The following NOTCH2NLR variants were observed in gnomAD, a reference collection of about 807,000 sequenced individuals.
NOTCH2NLR encodes notch 2 N-terminal like R (pseudogene).
In NOTCH2NLR, 33 loss-of-function variants were observed where a neutral mutation model predicts 35.6. The ratio of observed to expected loss-of-function variants is 0.93; its 90% confidence interval spans 0.70 to 1.24. The LOEUF (loss-of-function observed/expected upper bound fraction) is 1.24. Among genes scored for constraint, NOTCH2NLR ranks in the 50% most tolerant of loss-of-function variants. The pLI, the probability that NOTCH2NLR is intolerant of heterozygous loss-of-function variation, is 0.00. For synonymous variants in NOTCH2NLR, 103 were observed against 141.0 expected, an observed-to-expected ratio of 0.73 and a Z score of 1.91; for missense variants, 276 against 362.2, an observed-to-expected ratio of 0.76 and a Z score of 1.93.
In NOTCH2NLR at chr1:120,784,881, G is replaced by A. The variant is rs1270228111; in HGVS notation, c.156-93G>A. 7.1e-5 allele frequency: 74 copies of A among 1,035,174 alleles called. 16 individuals are homozygous for A. The highest frequency in any genetic ancestry group is 1.3e-4 in the East Asian group (5 of 38,820). 64.1% of individuals were successfully genotyped at this position (1,035,174 alleles called of 1,614,324 possible). A position where few individuals can be genotyped will look rare whatever the true frequency, so the allele number is the denominator to read the frequency against. ...TGTAGGTCTGTTGATTCACAATCTCGTGCTTTCTTGATTGGACTGTATTGT... is the reference window on the plus strand; with the variant it reads ...TGTAGGTCTGTTGATTCACAATCTCATGCTTTCTTGATTGGACTGTATTGT... On this transcript the variant is annotated intron_variant, in intron 2 of 4. Transcript: ENST00000624419.
At chr1:120,729,618 CT>C (rs1650854610) in intron 1 of NOTCH2NLR, among the ~76,000 whole-genome samples, 1 of 119,564 alleles carries the variant, frequency 8.4e-6, no homozygotes, top group Non-Finnish European at 1.6e-5. Flanking sequence ...GGGGTGATTG[CT>C]CAGGTAAAGC....
intron 1 of NOTCH2NLR, among the ~76,000 whole-genome samples, chr1:120,727,349 C>T (rs1650826887): frequency 1.8e-5 from 2 of 111,792 alleles, no homozygotes; most frequent in South Asian, 5.3e-4. Flanking sequence ...AAGAAATTTC[C>T]ATAACAAATG....
At chr1:120,726,976 G>A (rs1267451164) in intron 1 of NOTCH2NLR, among the ~76,000 whole-genome samples, 3 of 115,504 alleles carry the variant, frequency 2.6e-5, no homozygotes, top group Admixed American at 8.3e-5. Flanking sequence ...TTTAAATTCA[G>A]TGGGATATGC....
chr1:120,764,275 A>AT (rs1380761151), intron 2 of NOTCH2NLR, among the ~76,000 whole-genome samples: 1 of 107,680 alleles, frequency 9.3e-6, no homozygotes, highest in Non-Finnish European at 1.7e-5. Context: ...TATATAAAAA[A>AT]ATATATATTA....
At position 120,784,875 on chromosome 1, in the gene NOTCH2NLR, A is replaced by T. The variant is rs1214190500; in HGVS notation, c.156-99A>T. On this transcript the variant is annotated intron_variant, in intron 2 of 4. Transcript: ENST00000624419. ...GGTACTTGTAGGTCTGTTGATTCACAATCTCGTGCTTTCTTGATTGGACTG... is the reference window on the plus strand; with the variant it reads ...GGTACTTGTAGGTCTGTTGATTCACTATCTCGTGCTTTCTTGATTGGACTG... 3 of 1,045,250 alleles carry T rather than the reference A, an allele frequency of 2.9e-6. 1 individual carries two copies. The highest frequency in any genetic ancestry group is 4.1e-6 in the Non-Finnish European group (3 of 735,954). 64.7% of individuals were successfully genotyped at this position (1,045,250 alleles called of 1,614,324 possible). A position where few individuals can be genotyped will look rare whatever the true frequency, so the allele number is the denominator to read the frequency against.
Position 120,786,353 on chromosome 1 carries a change from C to T in NOTCH2NLR, c.415+1120C>T, listed in dbSNP as rs1651421749. Among the ~76,000 whole-genome samples, 2 of 106,260 alleles carry T rather than the reference C, an allele frequency of 1.9e-5. 1 individual carries two copies. The highest frequency in any genetic ancestry group is 1.2e-4 in the African/African-American group (2 of 16,012). The allele number at this position is 106,260 out of a possible 152,430, so 69.7% of individuals were successfully genotyped here. A position where few individuals can be genotyped will look rare whatever the true frequency, so the allele number is the denominator to read the frequency against. On this transcript the variant is annotated intron_variant, in intron 3 of 4. Transcript: ENST00000624419. ...TTTCACCTGTCTATTCCTCCCATTT[C>T]CTCTGCTACCCTGTAGTTGAGGGCC...
chr1:120,730,272 T>C (rs1650861415), intron 1 of NOTCH2NLR, among the ~76,000 whole-genome samples: 1 of 39,688 alleles, frequency 2.5e-5, no homozygotes, highest in Non-Finnish European at 4.3e-5. Flanking sequence ...GTCGGCAGTT[T>C]CCCTCAGATG....
rs1189931535 is a variant in NOTCH2NLR, at chr1:120,793,571, C to T, written c.751+75C>T. On this transcript the variant is annotated intron_variant, in intron 4 of 4. Coordinates refer to ENST00000624419, the Ensembl canonical transcript of NOTCH2NLR. The stretch of plus-strand genomic sequence containing the variant: ...GGAGGTAGTGGGTGTGGCTCAATTG[C>T]ATTTTTTAGGAAGCGCAAGGAAAAA... The T allele has an allele frequency of 4.0e-3, 4,376 of 1,097,746 alleles. 785 individuals are homozygous for T. Among genetic ancestry groups the T allele is most frequent in the Non-Finnish European group, 4.3e-3 (3,370 of 780,106 alleles). The allele number at this position is 1,097,746 out of a possible 1,614,324, so 68.0% of individuals were successfully genotyped here. A position where few individuals can be genotyped will look rare whatever the true frequency, so the allele number is the denominator to read the frequency against.
In NOTCH2NLR at chr1:120,781,502, G is replaced by A. The variant is rs1332297920; in HGVS notation, c.156-3472G>A. Among the ~76,000 whole-genome samples, 27 of 42,476 alleles carry A rather than the reference G, an allele frequency of 6.4e-4. 1 individual carries two copies. In the South Asian group the frequency reaches 8.8e-3, roughly 14 times the overall value. The allele number at this position is 42,476 out of a possible 152,430, so 27.9% of individuals were successfully genotyped here. On this transcript the variant is annotated intron_variant, in intron 2 of 4. Transcript: ENST00000624419. ...GGAGGCAGGATAGCCTAGTGTTGAA[G>A]CACACGCACTCTAGAGTCTACTTGG... is the stretch of plus-strand genomic sequence containing the variant.
chr1:120,793,543 A>C (rs1651519312), intron 4 of NOTCH2NLR, 47 bp downstream of exon 4: 1 of 1,106,424 alleles, frequency 9.0e-7, no homozygotes, highest in Non-Finnish European at 1.3e-6. Flanking sequence ...AACCCCTAGC[A>C]CAGGAGGTAG....
intron 2 of NOTCH2NLR, among the ~76,000 whole-genome samples, chr1:120,778,410 A>G (rs1651323220): frequency 9.0e-6 from 1 of 111,024 alleles, no homozygotes; most frequent in Non-Finnish European, 1.7e-5. Flanking sequence ...AGGAGCTTTA[A>G]TGAGGAGCAG....
chr1:120,784,509 G>T lies in NOTCH2NLR; in HGVS notation c.156-465G>T, dbSNP rs1278466248. Among the ~76,000 whole-genome samples the T allele has an allele frequency of 3.4e-5, 4 of 116,600 alleles. 1 individual carries two copies. Among genetic ancestry groups the T allele is most frequent in the African/African-American group, 1.0e-4 (2 of 19,908 alleles). The allele number at this position is 116,600 out of a possible 152,430, so 76.5% of individuals were successfully genotyped here. A position where few individuals can be genotyped will look rare whatever the true frequency, so the allele number is the denominator to read the frequency against. ...CTTTCTCATGAATGTGTTTCCCTAA[G>T]ATACCTGCATGATTACTCTCACCTT... On this transcript the variant is annotated intron_variant, in intron 2 of 4. Transcript: ENST00000624419.
At position 120,745,156 on chromosome 1, in the gene NOTCH2NLR, G is replaced by A. The variant is rs1165388309; in HGVS notation, c.74-18472G>A. Among the ~76,000 whole-genome samples the A allele has an allele frequency of 4.8e-5, 5 of 104,744 alleles. 2 individuals are homozygous for A. Among genetic ancestry groups the A allele is most frequent in the African/African-American group, 3.0e-4 (5 of 16,860 alleles). The allele number at this position is 104,744 out of a possible 152,430, so 68.7% of individuals were successfully genotyped here. A position where few individuals can be genotyped will look rare whatever the true frequency, so the allele number is the denominator to read the frequency against. ...AAACAAAAAAAAAACAAAAAAAAGT[G>A]GTATTGGGCCTGTCTAATTGCAAAG... On this transcript the variant is annotated intron_variant, in intron 1 of 4. Transcript: ENST00000624419.
At position 120,763,103 on chromosome 1, in the gene NOTCH2NLR, A is replaced by T; in HGVS notation, c.74-525A>T. 3.2e-5 allele frequency among the ~76,000 whole-genome samples: 2 copies of T among 61,944 alleles called. 1 individual carries two copies. Among genetic ancestry groups the T allele is most frequent in the Non-Finnish European group, 5.5e-5 (2 of 36,158 alleles). The allele number at this position is 61,944 out of a possible 152,430, so 40.6% of individuals were successfully genotyped here. A position where few individuals can be genotyped will look rare whatever the true frequency, so the allele number is the denominator to read the frequency against. ...CCATTTCTCCTTTTTTCTGGATCCT[A>T]ATTTTGTGCCTGGTGCATACTAGGC... is the stretch of plus-strand genomic sequence containing the variant. On this transcript the variant is annotated intron_variant, in intron 1 of 4. Transcript: ENST00000624419.
rs1329214263 is a variant in NOTCH2NLR at position 120,777,733 on chromosome 1, C to A, written c.156-7241C>A. Among the ~76,000 whole-genome samples the A allele has an allele frequency of 6.7e-5, 6 of 89,874 alleles. 1 individual carries two copies. The East Asian group carries it at 1.7e-3, about 25-fold the overall frequency. The allele number at this position is 89,874 out of a possible 152,430, so 59.0% of individuals were successfully genotyped here. Reference sequence around the variant, plus strand: ...GAAGTAGTATGACAGAGCTTCTTCTCTTTTTTTCCCCTCTTTACCAGGAAG... The same window carrying A: ...GAAGTAGTATGACAGAGCTTCTTCTATTTTTTTCCCCTCTTTACCAGGAAG... On this transcript the variant is annotated intron_variant, in intron 2 of 4. Coordinates refer to ENST00000624419, the Ensembl canonical transcript of NOTCH2NLR.
In NOTCH2NLR at chr1:120,754,259, A is replaced by T. The variant is rs1374386087; in HGVS notation, c.74-9369A>T. Among the ~76,000 whole-genome samples the T allele has an allele frequency of 8.4e-5, 3 of 35,548 alleles. No homozygotes were observed. In the East Asian group the frequency reaches 2.0e-3, roughly 24 times the overall value. 23.3% of individuals were successfully genotyped at this position (35,548 alleles called of 152,430 possible). A position where few individuals can be genotyped will look rare whatever the true frequency, so the allele number is the denominator to read the frequency against. On this transcript the variant is annotated intron_variant, in intron 1 of 4. Coordinates refer to ENST00000624419, the Ensembl canonical transcript of NOTCH2NLR. ...ACTAAAAGCACAGGAAATTGGTGAC[A>T]GGCAAAATTTGTCTTGATAATCGTA...
intron 1 of NOTCH2NLR, among the ~76,000 whole-genome samples, chr1:120,724,510 C>G (rs1650794943): frequency 8.3e-6 from 1 of 120,238 alleles, no homozygotes; most frequent in South Asian, 2.4e-4. Flanking sequence ...GGAGGGAGGC[C>G]GGCAGCAAGT....
At position 120,765,986 on chromosome 1, in the gene NOTCH2NLR, G is replaced by A. The variant is rs1411593809; in HGVS notation, c.155+2277G>A. Among the ~76,000 whole-genome samples the A allele has an allele frequency of 6.6e-5, 2 of 30,464 alleles. 1 individual carries two copies. Among genetic ancestry groups the A allele is most frequent in the Non-Finnish European group, 1.1e-4 (2 of 17,638 alleles). 20.0% of individuals were successfully genotyped at this position (30,464 alleles called of 152,430 possible). On this transcript the variant is annotated intron_variant, in intron 2 of 4. Transcript: ENST00000624419. Reference sequence around the variant, plus strand: ...CACACACTGGGGCCTGTCAGGGGGTGGGGGGAAAGGGAGGGGAGAGCATTA... The same window carrying A: ...CACACACTGGGGCCTGTCAGGGGGTAGGGGGAAAGGGAGGGGAGAGCATTA...
chr1:120,784,300 A>T (rs1371935349), intron 2 of NOTCH2NLR, among the ~76,000 whole-genome samples: 1 of 117,650 alleles, frequency 8.5e-6, no homozygotes, highest in South Asian at 2.5e-4. Flanking sequence ...GTTGTACCTC[A>T]TATGTAAGTA....
Sources: gnomAD v4.1 joint callset for allele counts (sites outside exome capture counted in the v4.1 genomes callset) on GRCh38, gnomAD v4.1.1 for gene constraint, MANE v1.5 for transcripts, NCBI Gene and HGNC (gene_info 2026-07-23, HGNC 2026-07-21) for gene names.